The following GLCCI1 variants were observed in gnomAD, a reference collection of about 807,000 sequenced individuals.
The protein encoded by GLCCI1 is glucocorticoid-induced transcript 1 protein.
In GLCCI1, 24 loss-of-function variants were observed where a neutral mutation model predicts 52.2. The ratio of observed to expected loss-of-function variants is 0.46; its 90% confidence interval spans 0.33 to 0.65. The LOEUF (loss-of-function observed/expected upper bound fraction) is 0.65. Ranked by LOEUF, GLCCI1 falls within the 30% of genes least tolerant of loss-of-function variation. The pLI is 0.02. For synonymous variants in GLCCI1, 310 were observed against 276.5 expected (o/e 1.12, Z -1.20); for missense variants, 704 against 701.5 (o/e 1.00, Z -0.04).
intron 6 of GLCCI1, 54 bp downstream of exon 6, chr7:8,071,185 C>A: frequency 7.2e-7 from 1 of 1,382,464 alleles, no homozygotes; most frequent in Non-Finnish European, 1.0e-6. Context: ...GCTCATTATA[C>A]CTTGTCTTAG....
intron 6 of GLCCI1, among the ~76,000 whole-genome samples, chr7:8,083,796 G>T (rs1783044656): frequency 6.6e-6 from 1 of 152,156 alleles, no homozygotes; most frequent in African/African-American, 2.4e-5. Flanking sequence ...ACTCTAACAA[G>T]CATTAGTGTG....
chr7:8,080,492 A>ATGAT (rs1782971773), intron 6 of GLCCI1, among the ~76,000 whole-genome samples: 1 of 151,476 alleles, frequency 6.6e-6, no homozygotes, highest in East Asian at 1.9e-4. Flanking sequence ...TAATTTCAGG[A>ATGAT]TGATAGATCT....
At chr7:7,993,389 C>T (rs1040063559) in intron 1 of GLCCI1, among the ~76,000 whole-genome samples, 28 of 152,152 alleles carry the variant, frequency 1.8e-4, no homozygotes, top group Non-Finnish European at 8.8e-5. Context: ...TGATTAGACT[C>T]TCAGTAATTT....
At chr7:8,030,427 T>C (rs1052464501) in intron 3 of GLCCI1, among the ~76,000 whole-genome samples, 2 of 152,116 alleles carry the variant, frequency 1.3e-5, no homozygotes, top group Non-Finnish European at 2.9e-5. Flanking sequence ...CCTCAAACTA[T>C]GAAACTACTA....
At chr7:8,058,858 C>T (rs892994075) in intron 4 of GLCCI1, among the ~76,000 whole-genome samples, 1 of 152,074 alleles carries the variant, frequency 6.6e-6, no homozygotes, top group Non-Finnish European at 1.5e-5. Context: ...AGAAGCCTTG[C>T]CGATAACGTA....
intron 7 of GLCCI1, among the ~76,000 whole-genome samples, chr7:8,085,380 C>T (rs1393432455): frequency 2.6e-5 from 4 of 152,182 alleles, no homozygotes; most frequent in Admixed American, 2.0e-4. Flanking sequence ...ACTCCACAAG[C>T]CAGAAGATTA....
At chr7:7,989,416 A>C (rs1780797376) in intron 1 of GLCCI1, among the ~76,000 whole-genome samples, 1 of 152,162 alleles carries the variant, frequency 6.6e-6, no homozygotes, top group African/African-American at 2.4e-5. Flanking sequence ...CAGAGCATAG[A>C]AATCATGGTC....
At chr7:7,984,887 C>G (rs1040387880) in intron 1 of GLCCI1, among the ~76,000 whole-genome samples, 5 of 152,090 alleles carry the variant, frequency 3.3e-5, no homozygotes, top group Admixed American at 2.0e-4. Flanking sequence ...TAATGATTTT[C>G]TCACATTTCT....
rs541221920 is a variant in GLCCI1 at position 7,977,056 on chromosome 7, C to G, written c.457+7249C>G. Among the ~76,000 whole-genome samples the G allele has an allele frequency of 2.0e-5, 3 of 152,206 alleles. No individual in the cohort carries two copies. The South Asian group carries it at 6.2e-4, about 32-fold the overall frequency. The stretch of plus-strand genomic sequence containing the variant: ...TATTAACTACTGACAGTAATAATTC[C>G]TTATTTATTCTCTGTAGCCATAAAG... On this transcript the variant is annotated intron_variant, in intron 1 of 7. Transcript: ENST00000223145.
Position 8,086,654 on chromosome 7 carries a change from C to G in GLCCI1, c.*116C>G, listed in dbSNP as rs1293931762. 4 of 815,744 alleles carry G rather than the reference C, an allele frequency of 4.9e-6. No homozygotes were observed. The Admixed American group carries it at 8.1e-5, about 16-fold the overall frequency. 50.5% of individuals were successfully genotyped at this position (815,744 alleles called of 1,614,324 possible). A position where few individuals can be genotyped will look rare whatever the true frequency, so the allele number is the denominator to read the frequency against. ...CACCACCAATAATACTTATCAGCAT[C>G]ATAAAGTATCTCTTAAACACTGATC... On this transcript the variant is annotated 3_prime_UTR_variant, in exon 8 of 8. Coordinates refer to ENST00000223145, the MANE Select transcript of GLCCI1 (RefSeq NM_138426.4). This position sits in a 1 kb window ranked among gnomAD's most constrained non-coding sequence, Gnocchi z 4.4.
intron 3 of GLCCI1, among the ~76,000 whole-genome samples, chr7:8,033,395 G>T (rs1359863564): frequency 6.6e-6 from 1 of 152,090 alleles, no homozygotes; most frequent in Non-Finnish European, 1.5e-5. Context: ...CTGTACAGGA[G>T]ATTCTAGCCA....
At chr7:8,061,173 C>A (rs1001834036) in intron 5 of GLCCI1, among the ~76,000 whole-genome samples, 8 of 150,808 alleles carry the variant, frequency 5.3e-5, no homozygotes, top group African/African-American at 1.2e-4. Context: ...GATCTCGGCT[C>A]ACTGCAAGCT....
Position 8,055,435 on chromosome 7 carries a change from G to C in GLCCI1, c.699G>C (p.Gln233His), listed in dbSNP as rs377759364. 6.2e-7 allele frequency: 1 copy of C among 1,608,282 alleles called. No individual in the cohort carries two copies. Among genetic ancestry groups the C allele is most frequent in the Non-Finnish European group, 8.5e-7 (1 of 1,175,102 alleles). ...SWGSADQLKE[Q>H]IAKLRQQLQR... ...CTTCTCTTTCCCTGTCCCCAAAGCA[G>C]ATCGCCAAACTGAGGCAGCAACTAC... The change falls in exon 4 of 8, where the codon CAG (glutamine) becomes CAC (histidine). Residue 233 changes from glutamine to histidine, a missense_variant and splice_region_variant. Coordinates refer to ENST00000223145, the MANE Select transcript of GLCCI1 (RefSeq NM_138426.4).
chr7:7,986,524 C>G (rs1428920351), intron 1 of GLCCI1, among the ~76,000 whole-genome samples: 3 of 120,950 alleles, frequency 2.5e-5, no homozygotes, highest in Non-Finnish European at 5.6e-5. Flanking sequence ...GACTCTGACT[C>G]AAAAAAGAAA....
intron 1 of GLCCI1, among the ~76,000 whole-genome samples, chr7:7,986,044 A>T (rs990005638): frequency 2.6e-5 from 4 of 152,232 alleles, no homozygotes; most frequent in African/African-American, 9.7e-5. Flanking sequence ...TGAATTTTTT[A>T]AAGTATCATT....
chr7:8,069,648 CCT>C (rs903311744), intron 5 of GLCCI1, among the ~76,000 whole-genome samples: 17 of 151,992 alleles, frequency 1.1e-4, no homozygotes, highest in Non-Finnish European at 1.8e-4. Context: ...AAGCCCTCGG[CCT>C]CTCTGTTTCT....
intron 5 of GLCCI1, among the ~76,000 whole-genome samples, chr7:8,062,259 A>G (rs1224741447): frequency 6.6e-6 from 1 of 152,204 alleles, no homozygotes; most frequent in African/African-American, 2.4e-5. Context: ...TTTTAATTAA[A>G]ATATCACCAT....
chr7:8,033,298 C>T (rs932784903), intron 3 of GLCCI1, among the ~76,000 whole-genome samples: 19 of 151,908 alleles, frequency 1.3e-4, no homozygotes, highest in Non-Finnish European at 5.9e-5. Context: ...ACAGATTACT[C>T]ATATTAAATG....
chr7:7,972,579 A>G (rs1218475483), intron 1 of GLCCI1, among the ~76,000 whole-genome samples: 1 of 152,176 alleles, frequency 6.6e-6, no homozygotes, highest in Non-Finnish European at 1.5e-5. Flanking sequence ...TGATTCTTTT[A>G]CCAAAAAATT....
Sources: allele counts gnomAD v4.1 joint callset (sites outside exome capture counted in the v4.1 genomes callset), GRCh38; gene constraint gnomAD v4.1.1; non-coding constraint Gnocchi (gnomAD v3.1); transcripts MANE v1.5; gene names NCBI Gene and HGNC (gene_info 2026-07-23, HGNC 2026-07-21).